Variants in GIGYF1 observed in about 807,000 individuals in gnomAD.
GIGYF1 encodes GRB10 interacting GYF protein 1.
Under a neutral mutation model 147.1 loss-of-function variants are expected in GIGYF1, and 84 were observed. The ratio of observed to expected loss-of-function variants is 0.57; its 90% confidence interval spans 0.48 to 0.68. GIGYF1 has a LOEUF of 0.68. Ranked by LOEUF, GIGYF1 falls within the 30% of genes least tolerant of loss-of-function variation. The pLI is 0.00. For missense variants in GIGYF1, 1,485 were observed against 1,393.7 expected (o/e 1.07, Z -1.04); for synonymous variants, 752 against 589.5 (o/e 1.28, Z -3.99).
chr7:100,684,511 T>C lies in GIGYF1; in HGVS notation c.1568A>G (p.Glu523Gly). ...CACGCGGCCCCACATCTTGATCACC[T>C]CGCCCAGCGGCTGGAAGCCCTCATC... ...GCDEGFQPLG[E>G]VIKMWGRVPF... Residue 523 changes from glutamate to glycine, a missense_variant, in exon 16 of 27, where the codon GAG (glutamate) becomes GGG (glycine). Coordinates refer to ENST00000678049, the MANE Select transcript of GIGYF1 (RefSeq NM_001375765.1). 2 of 1,613,818 alleles carry C rather than the reference T, an allele frequency of 1.2e-6. No homozygotes were observed. Among genetic ancestry groups the C allele is most frequent in the Non-Finnish European group, 1.7e-6 (2 of 1,179,992 alleles).
At position 100,686,094 on chromosome 7, in the gene GIGYF1, G is replaced by A; in HGVS notation, c.949-15C>T. 1 of 1,611,706 alleles carries A rather than the reference G, an allele frequency of 6.2e-7. No homozygotes were observed. The highest frequency in any genetic ancestry group is 8.5e-7 in the Non-Finnish European group (1 of 1,179,752). On this transcript the variant is annotated splice_polypyrimidine_tract_variant and intron_variant, in intron 11 of 26. Coordinates refer to ENST00000678049, the MANE Select transcript of GIGYF1 (RefSeq NM_001375765.1). Reference sequence around the variant, plus strand: ...TTGGGGCCCTTCTGCATGGGGCCGGGGTGGGGAGCAGAGAACAGCTGGGGT... The same window carrying A: ...TTGGGGCCCTTCTGCATGGGGCCGGAGTGGGGAGCAGAGAACAGCTGGGGT...
In GIGYF1 at chr7:100,685,161, A is replaced by G. The variant is rs974637210; in HGVS notation, c.1193-15T>C. 7.0e-6 allele frequency: 11 copies of G among 1,570,290 alleles called. No individual in the cohort carries two copies. Among genetic ancestry groups the G allele is most frequent in the Non-Finnish European group, 9.5e-6 (11 of 1,154,240 alleles). ...CCGAATATCATCTGGAAGGCATGAGATAGGAGGTGGAAAGAAGGGCGGGGA... is the reference window on the plus strand; with the variant it reads ...CCGAATATCATCTGGAAGGCATGAGGTAGGAGGTGGAAAGAAGGGCGGGGA... On this transcript the variant is annotated splice_polypyrimidine_tract_variant and intron_variant, in intron 13 of 26. Coordinates refer to ENST00000678049, the MANE Select transcript of GIGYF1 (RefSeq NM_001375765.1).
intron 26 of GIGYF1, 40 bp from the exon 27 acceptor site, chr7:100,681,811 G>A (rs1034939621): frequency 1.9e-6 from 3 of 1,601,360 alleles, no homozygotes; most frequent in African/African-American, 1.3e-5. Context: ...TCTCTCCTGG[G>A]CTCCTCCTGC....
chr7:100,686,949 G>A, intron 9 of GIGYF1, 57 bp downstream of exon 9: 1 of 1,607,892 alleles, frequency 6.2e-7, no homozygotes, highest in Non-Finnish European at 8.5e-7. Flanking sequence ...CCCCAGACTG[G>A]GCCACCCATC....
Position 100,686,392 on chromosome 7 carries a change from G to T in GIGYF1, c.736C>A (p.Arg246=). 6.2e-7 allele frequency: 1 copy of T among 1,604,060 alleles called. No homozygotes were observed. Among genetic ancestry groups the T allele is most frequent in the Non-Finnish European group, 8.5e-7 (1 of 1,175,416 alleles). ...AAATCAAATTCAAACTTGCGCCGCC[G>T]TTCCCCATGTTCCCGCCAGCCAGCA... is the stretch of plus-strand genomic sequence containing the variant. ...RSAGWREHGE[R]RRKFEFDLRG... is the part of the protein sequence containing the mutation. The change falls in exon 11 of 27, where the codon CGG becomes AGG. Residue 246 remains arginine, a synonymous_variant. Transcript: ENST00000678049.
chr7:100,685,937 G>A (rs748876881), intron 12 of GIGYF1, 37 bp downstream of exon 12: 9 of 1,570,566 alleles, frequency 5.7e-6, no homozygotes, highest in Non-Finnish European at 7.9e-6. Flanking sequence ...TGCCTGCCCG[G>A]CCCAGCCCCA....
At position 100,683,873 on chromosome 7, in the gene GIGYF1, C is replaced by T. The variant is rs551062760; in HGVS notation, c.1914G>A (p.Ser638=). 1.4e-5 allele frequency: 22 copies of T among 1,559,856 alleles called. No individual in the cohort carries two copies. Among genetic ancestry groups the T allele is most frequent in the South Asian group, 9.4e-5 (8 of 85,556 alleles). ...NLLPTMSRSL[S]VPDSGRLWDV... is the part of the protein sequence containing the mutation. The stretch of plus-strand genomic sequence containing the variant: ...CCCAGAGGCGGCCCGAATCTGGCAC[C>T]GACAAGGACCGGCTCATCGTCGGGA... The change falls in exon 19 of 27, where the codon TCG becomes TCA. Residue 638 remains serine, a synonymous_variant. Coordinates refer to ENST00000678049, the MANE Select transcript of GIGYF1 (RefSeq NM_001375765.1).
At chr7:100,684,678 T>C in intron 15 of GIGYF1, 45 bp downstream of exon 15, 1 of 1,611,866 alleles carries the variant, frequency 6.2e-7, no homozygotes, top group South Asian at 1.1e-5. Flanking sequence ...AGAGACACCC[T>C]GAACCAGAAC....
intron 13 of GIGYF1, 40 bp downstream of exon 13, chr7:100,685,304 C>A: frequency 6.4e-7 from 1 of 1,553,584 alleles, no homozygotes; most frequent in Non-Finnish European, 8.7e-7. Context: ...TCTCCCACAG[C>A]CCCAGCGCAC....
chr7:100,688,266 GGGGGT>G lies in GIGYF1; in HGVS notation c.-33_-29del. On this transcript the variant is annotated 5_prime_UTR_variant, in exon 4 of 27. Coordinates refer to ENST00000678049, the MANE Select transcript of GIGYF1 (RefSeq NM_001375765.1). ...TGGGGCTGGGCGTGTTTGAGAGGCC[GGGGGT>G]GGGGAGGAGGGGACCTGGCGTTCAC... 3 of 1,556,002 alleles carry G rather than the reference GGGGGT, an allele frequency of 1.9e-6. No individual in the cohort carries two copies. Among genetic ancestry groups the G allele is most frequent in the Middle Eastern group, 1.8e-4 (1 of 5,500 alleles).
chr7:100,683,925 A>G lies in GIGYF1; in HGVS notation c.1869-7T>C, dbSNP rs1805050367. On this transcript the variant is annotated splice_polypyrimidine_tract_variant and splice_region_variant and intron_variant, in intron 18 of 26. Transcript: ENST00000678049. ...CAGGTTCTGGTCCCCGCCTCTGAGG[A>G]GCAAATTGTGGATTCTTAGGACCCC... 3 of 1,557,138 alleles carry G rather than the reference A, an allele frequency of 1.9e-6. No individual in the cohort carries two copies. The highest frequency in any genetic ancestry group is 1.2e-5 in the South Asian group (1 of 84,828).
chr7:100,686,829 G>C lies in GIGYF1; in HGVS notation c.524-10C>G. On this transcript the variant is annotated splice_polypyrimidine_tract_variant and intron_variant, in intron 9 of 26. Transcript: ENST00000678049. ...TCAAAGCCACATCGTGCTGGGAGAC[G>C]GGAAGACAGGGGCAGTTATTAGAAA... 4 of 1,613,310 alleles carry C rather than the reference G, an allele frequency of 2.5e-6. No homozygotes were observed. Among genetic ancestry groups the C allele is most frequent in the Non-Finnish European group, 3.4e-6 (4 of 1,179,612 alleles).
Position 100,688,950 on chromosome 7 carries a change from G to A in GIGYF1, c.-493C>T. On this transcript the variant is annotated 5_prime_UTR_variant, in exon 2 of 27. Transcript: ENST00000678049. ...GCAAAGATAAAACAAAAACAAGCAA[G>A]CAAACAAAAACCCACTAGAGCCACA... 6.5e-6 allele frequency: 1 copy of A among 154,072 alleles called. No individual in the cohort carries two copies. The highest frequency in any genetic ancestry group is 6.5e-5 in the Admixed American group (1 of 15,426). The allele number at this position is 154,072 out of a possible 1,614,324, so 9.5% of individuals were successfully genotyped here.
chr7:100,685,639 G>A (rs901641405), intron 12 of GIGYF1, among the ~76,000 whole-genome samples, 158 bp from the exon 13 acceptor site: 1 of 152,188 alleles, frequency 6.6e-6, no homozygotes, highest in Non-Finnish European at 1.5e-5. Context: ...GAGGGAATGC[G>A]GTGCCCTGAC....
At position 100,687,973 on chromosome 7, in the gene GIGYF1, G is replaced by C. The variant is rs111485276; in HGVS notation, c.165+8C>G. ...ACCACCGCCAACCCCCCTCGCCCAC[G>C]CACCCACCTTGTTCTCCTTGACGTA... On this transcript the variant is annotated splice_region_variant and intron_variant, in intron 5 of 26. Coordinates refer to ENST00000678049, the MANE Select transcript of GIGYF1 (RefSeq NM_001375765.1). 6.2e-7 allele frequency: 1 copy of C among 1,609,908 alleles called. No individual in the cohort carries two copies. Among genetic ancestry groups the C allele is most frequent in the Non-Finnish European group, 8.5e-7 (1 of 1,176,948 alleles).
rs1462600767 is a variant in GIGYF1, at chr7:100,687,678, C to A, written c.262-62G>T. Reference sequence around the variant, plus strand: ...GCACCCAACCACCTCCACCCCCACCCCACAGCACCCTCCCCGCCTGTCTCC... The same window carrying A: ...GCACCCAACCACCTCCACCCCCACCACACAGCACCCTCCCCGCCTGTCTCC... On this transcript the variant is annotated intron_variant, in intron 6 of 26. Coordinates refer to ENST00000678049, the MANE Select transcript of GIGYF1 (RefSeq NM_001375765.1). The A allele has an allele frequency of 6.9e-6, 10 of 1,458,192 alleles. No homozygotes were observed. The East Asian group carries it at 2.1e-4, about 31-fold the overall frequency. 90.3% of individuals were successfully genotyped at this position (1,458,192 alleles called of 1,614,324 possible). A position where few individuals can be genotyped will look rare whatever the true frequency, so the allele number is the denominator to read the frequency against.
rs1331925631 is a variant in GIGYF1, at chr7:100,688,592, C to G, written c.-135G>C. 1.9e-6 allele frequency: 1 copy of G among 531,860 alleles called. No individual in the cohort carries two copies. Among genetic ancestry groups the G allele is most frequent in the South Asian group, 1.6e-5 (1 of 64,472 alleles). The allele number at this position is 531,860 out of a possible 1,614,324, so 32.9% of individuals were successfully genotyped here. On this transcript the variant is annotated splice_region_variant and 5_prime_UTR_variant, in exon 2 of 27. Coordinates refer to ENST00000678049, the MANE Select transcript of GIGYF1 (RefSeq NM_001375765.1). ...CAACCACCCTTGGCCCGGGGCTCAC[C>G]TGGCAGCCTGGCCCGGGAAGAAGGA...
chr7:100,683,577 A>G lies in GIGYF1; in HGVS notation c.2025T>C (p.Ile675=). The G allele has an allele frequency of 6.2e-7, 1 of 1,614,178 alleles. No individual in the cohort carries two copies. The highest frequency in any genetic ancestry group is 8.5e-7 in the Non-Finnish European group (1 of 1,180,016). ...IPINSSTQGP[I]LEQLQLQHKF... ...TATGTTGCAGCTGGAGTTGTTCTAGAATTGGACCCTGAGTCGAAGAGTTAA... is the reference window on the plus strand; with the variant it reads ...TATGTTGCAGCTGGAGTTGTTCTAGGATTGGACCCTGAGTCGAAGAGTTAA... The change falls in exon 20 of 27, where the codon ATT becomes ATC. Residue 675 remains isoleucine (I), a synonymous_variant. Coordinates refer to ENST00000678049, the MANE Select transcript of GIGYF1 (RefSeq NM_001375765.1).
intron 3 of GIGYF1, 28 bp from the exon 4 acceptor site, chr7:100,688,335 C>T (rs1016643829): frequency 9.3e-7 from 1 of 1,079,034 alleles, no homozygotes; most frequent in Non-Finnish European, 1.4e-6. Context: ...CCATGAAGAA[C>T]AGCACACGAA....
Sources: allele counts gnomAD v4.1 joint callset (sites outside exome capture counted in the v4.1 genomes callset), GRCh38; gene constraint gnomAD v4.1.1; transcripts MANE v1.5; gene names NCBI Gene and HGNC (gene_info 2026-07-23, HGNC 2026-07-21).